MICU3: variants seen among roughly 807,000 people sequenced by gnomAD.
MICU3 encodes calcium uptake protein 3, mitochondrial.
A neutral mutation model predicts 66.5 loss-of-function variants in MICU3; 62 were observed. The ratio of observed to expected loss-of-function variants is 0.93; its 90% CI spans 0.76 to 1.15. The LOEUF (loss-of-function observed/expected upper bound fraction) is 1.15, where lower values mean the gene tolerates loss of function less well. Among genes scored for constraint, MICU3 ranks in the 50% most tolerant of loss-of-function variants. MICU3 has a pLI of 0.00. For missense variants in MICU3, 779 were observed against 664.4 expected (o/e 1.17, Z -1.90); for synonymous variants, 308 against 240.7 (o/e 1.28, Z -2.59).
chr8:17,116,672 G>C (rs1802710095), intron 13 of MICU3, 72 bp downstream of exon 13: 2 of 1,119,094 alleles, frequency 1.8e-6, no homozygotes, highest in African/African-American at 1.7e-5. Flanking sequence ...TCTAAGTTGA[G>C]AAATAATTTA....
intron 8 of MICU3, among the ~76,000 whole-genome samples, chr8:17,095,738 CTTCCCTCT>C (rs907701381): frequency 1.1e-4 from 17 of 151,612 alleles, no homozygotes; most frequent in African/African-American, 3.9e-4. Flanking sequence ...TCCTTTCCTC[CTTCCCTCT>C]TTATTTCCTT....
At chr8:17,054,357 G>C (rs565008666) in intron 1 of MICU3, among the ~76,000 whole-genome samples, 1 of 152,212 alleles carries the variant, frequency 6.6e-6, no homozygotes, top group African/African-American at 2.4e-5. Context: ...AAGAAATGAA[G>C]TTGTTAGGAT....
At chr8:17,061,112 A>G (rs1230213044) in intron 1 of MICU3, among the ~76,000 whole-genome samples, 2 of 152,170 alleles carry the variant, frequency 1.3e-5, no homozygotes, top group African/African-American at 2.4e-5. Context: ...ACAGGGCATT[A>G]CTATAAAACT....
chr8:17,052,997 T>C (rs1816353704), intron 1 of MICU3, among the ~76,000 whole-genome samples: 1 of 152,298 alleles, frequency 6.6e-6, no homozygotes, highest in African/African-American at 2.4e-5. Context: ...TAAATCCTAA[T>C]ACCAGTGCTC....
In MICU3 at chr8:17,027,655, G is replaced by A. The variant is rs1156788370; in HGVS notation, c.376G>A (p.Glu126Lys). The change falls in exon 1 of 15, where the codon GAG becomes AAG. Residue 126 changes from glutamate (E) to lysine (K), a missense_variant. Coordinates refer to ENST00000318063, the MANE Select transcript of MICU3 (RefSeq NM_181723.3). ...GCCCATCCCAGTGGCGGCTGCCAAG[G>A]AGACGGTGAGTGCGCGAGCGCGCGT... ...MLPIPVAAAK[E>K]TVAIGRTDIE... 1.5e-6 allele frequency: 2 copies of A among 1,299,590 alleles called. No individual in the cohort carries two copies. The highest frequency in any genetic ancestry group is 1.9e-6 in the Non-Finnish European group (2 of 1,027,484). The allele number at this position is 1,299,590 out of a possible 1,614,324, so 80.5% of individuals were successfully genotyped here. A position where few individuals can be genotyped will look rare whatever the true frequency, so the allele number is the denominator to read the frequency against.
the MICU3 span, among the ~76,000 whole-genome samples, chr8:17,137,169 AG>A: frequency 1.3e-5 from 2 of 152,038 alleles, no homozygotes; most frequent in Non-Finnish European, 2.9e-5. Context: ...AAAGGCTTCT[AG>A]CCCAAAGGTT....
chr8:17,070,366 G>A (rs1819367645), intron 3 of MICU3, among the ~76,000 whole-genome samples: 1 of 151,940 alleles, frequency 6.6e-6, no homozygotes, highest in Admixed American at 6.6e-5. Context: ...AAGAAAATAA[G>A]CAGTTCAAAA....
At position 17,120,655 on chromosome 8, in the gene MICU3, A is replaced by T. The variant is rs1803133321; in HGVS notation, c.*368A>T. 1 of 152,394 alleles carries T rather than the reference A, an allele frequency of 6.6e-6. No individual in the cohort carries two copies. The highest frequency in any genetic ancestry group is 1.5e-5 in the Non-Finnish European group (1 of 67,920). 9.4% of individuals were successfully genotyped at this position (152,394 alleles called of 1,614,324 possible). On this transcript the variant is annotated 3_prime_UTR_variant, in exon 15 of 15. Transcript: ENST00000318063. ...TTTCCTCATTTCAAAATAATTTATG[A>T]CTCATGGAATGTTGATCGCCTAAAA...
At chr8:17,101,562 G>A (rs998898164) in intron 9 of MICU3, among the ~76,000 whole-genome samples, 5 of 151,868 alleles carry the variant, frequency 3.3e-5, no homozygotes, top group African/African-American at 1.2e-4. Flanking sequence ...GCTCTGATCA[G>A]TGGGCAGGAG....
intron 11 of MICU3, among the ~76,000 whole-genome samples, chr8:17,113,301 A>G (rs1300565731): frequency 6.6e-6 from 1 of 152,202 alleles, no homozygotes; most frequent in Non-Finnish European, 1.5e-5. Context: ...TAATTATGTT[A>G]ATTTGCTGAG....
chr8:17,081,548 GCTT>G (rs1483336694), intron 4 of MICU3, 142 bp from the exon 5 acceptor site: 4 of 333,266 alleles, frequency 1.2e-5, no homozygotes, highest in African/African-American at 4.3e-5. Flanking sequence ...TAAATTTGTT[GCTT>G]CTTTTGTTAT....
chr8:17,059,844 A>G (rs1817546319), intron 1 of MICU3, among the ~76,000 whole-genome samples: 1 of 152,316 alleles, frequency 6.6e-6, no homozygotes, highest in African/African-American at 2.4e-5. Flanking sequence ...ATAGTTGAAG[A>G]CTTGATTAAA....
At chr8:17,037,814 G>C (rs1362287064) in intron 1 of MICU3, among the ~76,000 whole-genome samples, 1 of 152,194 alleles carries the variant, frequency 6.6e-6, no homozygotes, top group Non-Finnish European at 1.5e-5. Flanking sequence ...ACTGCCCAAG[G>C]CCGTGGGAGC....
At chr8:17,083,967 C>T (rs1585403865) in intron 5 of MICU3, among the ~76,000 whole-genome samples, 1 of 152,036 alleles carries the variant, frequency 6.6e-6, no homozygotes. Context: ...AAAAAACATA[C>T]ATAGTGCGTT....
chr8:17,034,906 CA>C (rs1812715413), intron 1 of MICU3, among the ~76,000 whole-genome samples: 1 of 152,134 alleles, frequency 6.6e-6, no homozygotes, highest in Non-Finnish European at 1.5e-5. Context: ...AGAGCAGTGG[CA>C]AGGTGATATA....
At chr8:17,049,004 C>T (rs1815596675) in intron 1 of MICU3, among the ~76,000 whole-genome samples, 1 of 152,126 alleles carries the variant, frequency 6.6e-6, no homozygotes, top group African/African-American at 2.4e-5. Flanking sequence ...ATAAACAGTA[C>T]ACAGTTCTGT....
At chr8:17,053,358 A>G (rs2150577479) in intron 1 of MICU3, among the ~76,000 whole-genome samples, 1 of 152,270 alleles carries the variant, frequency 6.6e-6, no homozygotes, top group South Asian at 2.1e-4. Flanking sequence ...AGACCTTAAC[A>G]CAGAGTAAAT....
At chr8:17,084,404 C>G (rs1447658167) in intron 5 of MICU3, among the ~76,000 whole-genome samples, 1 of 152,220 alleles carries the variant, frequency 6.6e-6, no homozygotes, top group East Asian at 1.9e-4. Flanking sequence ...AGGACACTAT[C>G]TGTGCCTCTT....
chr8:17,036,097 TC>T (rs1173571546), intron 1 of MICU3, among the ~76,000 whole-genome samples: 1 of 152,150 alleles, frequency 6.6e-6, no homozygotes, highest in Non-Finnish European at 1.5e-5. Flanking sequence ...CTGGAGTCTG[TC>T]CCTTCTGATG....
Sources: allele counts gnomAD v4.1 joint callset (sites outside exome capture counted in the v4.1 genomes callset), GRCh38; gene constraint gnomAD v4.1.1; transcripts MANE v1.5; gene names NCBI Gene and HGNC (gene_info 2026-07-23, HGNC 2026-07-21).